The following UPF2 variants were observed in gnomAD, a reference collection of about 807,000 sequenced individuals.
UPF2 encodes UPF2 regulator of nonsense mediated mRNA decay, also known as regulator of nonsense transcripts 2.
In UPF2, 17 loss-of-function variants were observed where a neutral mutation model predicts 141.4. The observed-to-expected ratio is 0.12, with a 90% CI of 0.08 to 0.18. UPF2 has a LOEUF of 0.18. Among genes scored for constraint, UPF2 ranks in the 10% least tolerant of loss-of-function variants. The pLI is 1.00. For missense variants in UPF2, 1,152 were observed against 1,515.9 expected, an observed-to-expected ratio of 0.76 and a Z score of 3.99; for synonymous variants, 540 against 498.0, an observed-to-expected ratio of 1.08 and a Z score of -1.12.
chr10:11,927,708 A>AT (rs200941036), intron 21 of UPF2, among the ~76,000 whole-genome samples: 28 of 150,910 alleles, frequency 1.9e-4, no homozygotes, highest in Admixed American at 7.3e-4. Flanking sequence ...TCCAACTTGG[A>AT]TTTTTTTTTT....
chr10:11,974,944 T>C (rs1833481550), intron 9 of UPF2, among the ~76,000 whole-genome samples: 2 of 152,178 alleles, frequency 1.3e-5, no homozygotes, highest in Admixed American at 1.3e-4. Context: ...ACAAAAATAT[T>C]TGGTACAACT....
chr10:11,955,532 T>C lies in UPF2; in HGVS notation c.2575-25A>G, dbSNP rs772692686. ...CCTAAAAGGCAACAAAACCACAGAT[T>C]TTCATTAAAGAGGAGTAGTGTATAT... On this transcript the variant is annotated intron_variant, in intron 13 of 21. Transcript: ENST00000357604. 8 of 1,588,638 alleles carry C rather than the reference T, an allele frequency of 5.0e-6. No individual in the cohort carries two copies. In the South Asian group the frequency reaches 9.2e-5, roughly 18 times the overall value.
intron 21 of UPF2, among the ~76,000 whole-genome samples, chr10:11,925,418 G>T (rs768632818): frequency 6.6e-6 from 1 of 152,230 alleles, no homozygotes; most frequent in African/African-American, 2.4e-5. Flanking sequence ...AGCAGAACTG[G>T]AATGAGAACG....
At chr10:12,036,658 C>A (rs1247483349) in intron 1 of UPF2, among the ~76,000 whole-genome samples, 1 of 152,200 alleles carries the variant, frequency 6.6e-6, no homozygotes, top group Non-Finnish European at 1.5e-5. Context: ...CTACTCAGAA[C>A]TAGTTGTCTA....
chr10:12,008,909 G>C (rs1486356541), intron 4 of UPF2, among the ~76,000 whole-genome samples: 3 of 151,980 alleles, frequency 2.0e-5, no homozygotes, highest in Non-Finnish European at 4.4e-5. Flanking sequence ...TGTTCTCACT[G>C]TTCAACTCCC....
intron 3 of UPF2, among the ~76,000 whole-genome samples, chr10:12,023,808 T>C (rs1360632385): frequency 1.3e-5 from 2 of 151,634 alleles, no homozygotes; most frequent in African/African-American, 4.8e-5. Context: ...CTGGGCAACA[T>C]GGAGAAATCC....
chr10:11,932,783 C>T (rs1832798473), intron 19 of UPF2, among the ~76,000 whole-genome samples: 1 of 152,164 alleles, frequency 6.6e-6, no homozygotes, highest in African/African-American at 2.4e-5. Flanking sequence ...TTTGCAGCTA[C>T]TCCATGACTG....
At chr10:11,969,036 A>C (rs1180593686) in intron 9 of UPF2, among the ~76,000 whole-genome samples, 1 of 151,600 alleles carries the variant, frequency 6.6e-6, no homozygotes, top group African/African-American at 2.4e-5. Context: ...AAATTTTTGT[A>C]TTTTTAGTAG....
intron 1 of UPF2, among the ~76,000 whole-genome samples, chr10:12,037,965 C>G (rs1221135058): frequency 6.6e-6 from 1 of 152,088 alleles, no homozygotes; most frequent in Non-Finnish European, 1.5e-5. Context: ...TTCTTTTACT[C>G]CCTCATTGCT....
intron 10 of UPF2, among the ~76,000 whole-genome samples, chr10:11,966,128 C>G (rs989434155): frequency 6.6e-6 from 1 of 152,044 alleles, no homozygotes; most frequent in Non-Finnish European, 1.5e-5. Flanking sequence ...GTAAATAATC[C>G]ATAGGCATTT....
chr10:12,003,337 A>G lies in UPF2; in HGVS notation c.1504+1193T>C, dbSNP rs148680084. On this transcript the variant is annotated intron_variant, in intron 5 of 21. Transcript: ENST00000357604. ...AAAATGTGACCCTTGCTCTCAAAAA[A>G]CATACAATTTATCTGAGGAAATTAA... Among the ~76,000 whole-genome samples, 6 of 152,312 alleles carry G rather than the reference A, an allele frequency of 3.9e-5. No individual in the cohort carries two copies. In the East Asian group the frequency reaches 7.7e-4, roughly 20 times the overall value.
At chr10:12,038,959 A>G (rs1834685609) in intron 1 of UPF2, among the ~76,000 whole-genome samples, 1 of 152,010 alleles carries the variant, frequency 6.6e-6, no homozygotes, top group Non-Finnish European at 1.5e-5. Flanking sequence ...AAGCCACTAT[A>G]CCCGGGCAGC....
chr10:12,004,452 A>T (rs1834001669), intron 5 of UPF2, 78 bp downstream of exon 5: 2 of 1,129,678 alleles, frequency 1.8e-6, no homozygotes, highest in South Asian at 3.4e-5. Flanking sequence ...TACAATATAT[A>T]TATTTTTTTT....
At chr10:11,986,897 ACT>A (rs1181017299) in intron 8 of UPF2, among the ~76,000 whole-genome samples, 5 of 152,122 alleles carry the variant, frequency 3.3e-5, no homozygotes, top group Admixed American at 6.5e-5. Context: ...AGTCCAGCAA[ACT>A]CTCCTAAAAG....
At position 11,959,316 on chromosome 10, in the gene UPF2, G is replaced by A. The variant is rs570251555; in HGVS notation, c.2225C>T (p.Ala742Val). The change falls in exon 12 of 22, where the codon GCG becomes GTG. Residue 742 changes from alanine (A) to valine (V), a missense_variant. This residue lies in a region of UPF2 where 739 missense variants were observed against 1,032.2 expected (regional missense o/e 0.72). Coordinates refer to ENST00000357604, the MANE Select transcript of UPF2 (RefSeq NM_015542.4). The surrounding 1 kb of genome is among the most constrained non-coding windows in gnomAD (Gnocchi z 5.9). ...ATTCTCTACCATTGTGACGTATCTC[G>A]CATCAAGATGCATTGCTTGCTTCTT... ...MRKKQAMHLDARYVTMVENAY... is the reference protein window; with the variant it reads ...MRKKQAMHLDVRYVTMVENAY... 52 of 1,588,002 alleles carry A rather than the reference G, an allele frequency of 3.3e-5. No homozygotes were observed. Among genetic ancestry groups the A allele is most frequent in the East Asian group, 6.8e-5 (3 of 44,434 alleles).
rs1346974785 is a variant in UPF2, at chr10:11,992,863, A to C, written c.1844+4809T>G. On this transcript the variant is annotated intron_variant, in intron 8 of 21. Coordinates refer to ENST00000357604, the MANE Select transcript of UPF2 (RefSeq NM_015542.4). This position sits in a 1 kb window ranked among gnomAD's most constrained non-coding sequence, Gnocchi z 4.1. ...TACCAAACGCAAATAAAAAGAAAGC[A>C]GCAGTCAGGCGCAGGTGGCTCACAC... is the stretch of plus-strand genomic sequence containing the variant. 6.6e-6 allele frequency among the ~76,000 whole-genome samples: 1 copy of C among 152,180 alleles called. No individual in the cohort carries two copies. The highest frequency in any genetic ancestry group is 1.5e-5 in the Non-Finnish European group (1 of 68,024).
rs1233983069 is a variant in UPF2, at chr10:11,931,923, G to A, written c.3547-141C>T. ...CCCAGCACTTTGGGAGGCCGAGGCGGGCGGATCACGAGGTCAAGAGATCAA... is the reference window on the plus strand; with the variant it reads ...CCCAGCACTTTGGGAGGCCGAGGCGAGCGGATCACGAGGTCAAGAGATCAA... On this transcript the variant is annotated intron_variant, in intron 19 of 21. Transcript: ENST00000357604. This position sits in a 1 kb window ranked among gnomAD's most constrained non-coding sequence, Gnocchi z 5.9. 1 of 828,430 alleles carries A rather than the reference G, an allele frequency of 1.2e-6. No homozygotes were observed. Among genetic ancestry groups the A allele is most frequent in the African/African-American group, 1.8e-5 (1 of 56,616 alleles). The allele number at this position is 828,430 out of a possible 1,614,324, so 51.3% of individuals were successfully genotyped here.
chr10:12,028,972 A>G lies in UPF2; in HGVS notation c.918T>C (p.Ser306=), dbSNP rs777020425. ...NADRESHTHV[S]VVISFCRHCG... is the part of the protein sequence containing the mutation. Reference sequence around the variant, plus strand: ...AATGTCGACAGAAACTAATCACTACAGAGACATGAGTGTGGGACTCCCGAT... The same window carrying G: ...AATGTCGACAGAAACTAATCACTACGGAGACATGAGTGTGGGACTCCCGAT... Residue 306 remains serine, a synonymous_variant, in exon 3 of 22, where the codon TCT becomes TCC. Transcript: ENST00000357604. 1 of 1,614,222 alleles carries G rather than the reference A, an allele frequency of 6.2e-7. No homozygotes were observed. The highest frequency in any genetic ancestry group is 1.1e-5 in the South Asian group (1 of 91,088).
intron 9 of UPF2, among the ~76,000 whole-genome samples, chr10:11,969,273 G>C (rs1833374997): frequency 6.6e-6 from 1 of 151,310 alleles, no homozygotes; most frequent in Non-Finnish European, 1.5e-5. Flanking sequence ...GGGTTCAAGT[G>C]ATTCTCCTGC....
Sources: gnomAD v4.1 joint callset for allele counts (sites outside exome capture counted in the v4.1 genomes callset) on GRCh38, gnomAD v4.1.1 for gene constraint, gnomAD v4.1.1 regional missense constraint, Gnocchi (gnomAD v3.1) non-coding constraint, MANE v1.5 for transcripts, NCBI Gene and HGNC (gene_info 2026-07-23, HGNC 2026-07-21) for gene names.